The following NLK variants were observed in gnomAD, a reference collection of about 807,000 sequenced individuals.
The protein encoded by NLK is serine/threonine-protein kinase NLK.
In NLK, 11 loss-of-function variants were observed where a neutral mutation model predicts 59.0. The observed-to-expected ratio is 0.19, with a 90% CI of 0.12 to 0.31. The LOEUF is 0.31. Ranked by LOEUF, NLK falls within the 10% of genes least tolerant of loss-of-function variation. The pLI is 1.00. For synonymous variants in NLK, 235 were observed against 235.9 expected (o/e 1.00, Z 0.03); for missense variants, 410 against 661.1 (o/e 0.62, Z 4.16).
intron 3 of NLK, among the ~76,000 whole-genome samples, chr17:28,151,059 A>C (rs928266726): frequency 6.6e-6 from 1 of 152,152 alleles, no homozygotes; most frequent in African/African-American, 2.4e-5. Context: ...ACCCTCATTA[A>C]ATTTCTCAGA....
intron 6 of NLK, among the ~76,000 whole-genome samples, chr17:28,170,677 G>T (rs1908424706): frequency 6.6e-6 from 1 of 152,172 alleles, no homozygotes; most frequent in Non-Finnish European, 1.5e-5. Context: ...AAATGGATGT[G>T]ACTACTACCT....
intron 4 of NLK, among the ~76,000 whole-genome samples, chr17:28,162,404 G>A (rs919521884): frequency 1.3e-5 from 2 of 152,062 alleles, no homozygotes; most frequent in Admixed American, 1.3e-4. Context: ...ATGCTGAGGC[G>A]GGCAGATCAT....
At chr17:28,126,084 C>T (rs1906278856) in intron 2 of NLK, among the ~76,000 whole-genome samples, 1 of 152,196 alleles carries the variant, frequency 6.6e-6, no homozygotes, top group South Asian at 2.1e-4. Flanking sequence ...ACTACATTAG[C>T]TCCTGTTGTC....
At chr17:28,184,646 T>C (rs558835981) in intron 7 of NLK, among the ~76,000 whole-genome samples, 34 of 152,298 alleles carry the variant, frequency 2.2e-4, no homozygotes, top group African/African-American at 7.5e-4. Flanking sequence ...TGGGTAATCA[T>C]GCAATGTAAA....
At chr17:28,121,077 A>G (rs1906026831) in intron 1 of NLK, among the ~76,000 whole-genome samples, 1 of 152,094 alleles carries the variant, frequency 6.6e-6, no homozygotes, top group Admixed American at 6.5e-5. Flanking sequence ...ACATGGATCA[A>G]TTCTTTTTTC....
chr17:28,197,891 AGG>A (rs1391522587), downstream of NLK, among the ~76,000 whole-genome samples: 1 of 152,226 alleles, frequency 6.6e-6, no homozygotes, highest in African/African-American at 2.4e-5. Flanking sequence ...GCAGTTCTAA[AGG>A]GGACTGACTT....
intron 1 of NLK, 119 bp from the exon 2 acceptor site, chr17:28,122,484 G>C: frequency 1.0e-6 from 1 of 997,986 alleles, no homozygotes; most frequent in Non-Finnish European, 1.5e-6. Context: ...TCATTAAGTG[G>C]ACTTAATGTT....
At chr17:28,064,210 G>C (rs1909756333) in intron 1 of NLK, among the ~76,000 whole-genome samples, 1 of 123,742 alleles carries the variant, frequency 8.1e-6, no homozygotes, top group Non-Finnish European at 1.6e-5. Context: ...AAAGAGACAA[G>C]GTCTCACTGT....
At position 28,042,947 on chromosome 17, in the gene NLK, C is replaced by T. The variant is rs1210016443; in HGVS notation, c.74C>T (p.Ala25Val). The T allele has an allele frequency of 6.4e-7, 1 of 1,551,826 alleles. No individual in the cohort carries two copies. The highest frequency in any genetic ancestry group is 2.4e-5 in the East Asian group (1 of 41,290). ...AATGGCGGTACATCTGCAGCAGCAGCAGGTCACCACCACCACCATCACCAC... is the reference window on the plus strand; with the variant it reads ...AATGGCGGTACATCTGCAGCAGCAGTAGGTCACCACCACCACCATCACCAC... ...AYNGGTSAAAAGHHHHHHHHL... is the reference protein window; with the variant it reads ...AYNGGTSAAAVGHHHHHHHHL... Residue 25 changes from alanine to valine, a missense_variant, in exon 1 of 11, where the codon GCA becomes GTA. Physicochemically the swap from Ala to Val is moderately conservative, Grantham distance 64. This residue lies in a region of NLK where 160 missense variants were observed against 171.0 expected (regional missense o/e 0.94). Coordinates refer to ENST00000407008, the MANE Select transcript of NLK (RefSeq NM_016231.5).
intron 1 of NLK, among the ~76,000 whole-genome samples, chr17:28,068,709 T>G (rs1030784302): frequency 6.6e-6 from 1 of 152,232 alleles, no homozygotes; most frequent in Non-Finnish European, 1.5e-5. Flanking sequence ...AGACAAGATC[T>G]CTTTCTGTTG....
At chr17:28,068,528 TG>T (rs1909909102) in intron 1 of NLK, among the ~76,000 whole-genome samples, 1 of 152,156 alleles carries the variant, frequency 6.6e-6, no homozygotes, top group Non-Finnish European at 1.5e-5. Context: ...GATACCATTT[TG>T]GGGGGGAATT....
At chr17:28,103,940 TTC>T (rs1904987193) in intron 1 of NLK, among the ~76,000 whole-genome samples, 1 of 152,262 alleles carries the variant, frequency 6.6e-6, no homozygotes, top group Non-Finnish European at 1.5e-5. Context: ...CATTCCAGAA[TTC>T]TTTTTCAACT....
chr17:28,136,725 T>C (rs1906763298), intron 3 of NLK, among the ~76,000 whole-genome samples: 1 of 152,112 alleles, frequency 6.6e-6, no homozygotes, highest in Admixed American at 6.5e-5. Flanking sequence ...TGCCTCAGCC[T>C]CCCAAGTAGC....
At chr17:28,053,105 C>A (rs1909316632) in intron 1 of NLK, among the ~76,000 whole-genome samples, 1 of 151,994 alleles carries the variant, frequency 6.6e-6, no homozygotes, top group Non-Finnish European at 1.5e-5. Flanking sequence ...ATTACATACT[C>A]ATTTCTGAAC....
At position 28,178,336 on chromosome 17, in the gene NLK, C is replaced by G. The variant is rs564247582; in HGVS notation, c.1149+5718C>G. On this transcript the variant is annotated intron_variant, in intron 7 of 10. Coordinates refer to ENST00000407008, the MANE Select transcript of NLK (RefSeq NM_016231.5). ...TTGGGAGATTGCAATCAAGCCTAATCAAACCACTTGGTTTGGGAGTGAAAG... is the reference window on the plus strand; with the variant it reads ...TTGGGAGATTGCAATCAAGCCTAATGAAACCACTTGGTTTGGGAGTGAAAG... Among the ~76,000 whole-genome samples, 12 of 152,246 alleles carry G rather than the reference C, an allele frequency of 7.9e-5. No individual in the cohort carries two copies. The South Asian group carries it at 1.2e-3, about 16-fold the overall frequency.
intron 7 of NLK, among the ~76,000 whole-genome samples, chr17:28,180,269 C>A (rs1286621023): frequency 6.6e-6 from 1 of 152,120 alleles, no homozygotes; most frequent in African/African-American, 2.4e-5. Flanking sequence ...GCCTTAACAT[C>A]ACTCATTTTA....
intron 3 of NLK, among the ~76,000 whole-genome samples, chr17:28,150,775 G>T (rs945729061): frequency 6.6e-6 from 1 of 152,134 alleles, no homozygotes; most frequent in Admixed American, 6.5e-5. Context: ...TTATAGTAGG[G>T]CTGTTCAAAT....
intron 1 of NLK, among the ~76,000 whole-genome samples, chr17:28,045,711 G>A (rs2142729206): frequency 6.6e-6 from 1 of 152,256 alleles, no homozygotes; most frequent in South Asian, 2.1e-4. Flanking sequence ...ACTGTTGTAT[G>A]ACCTAAGTAA....
At chr17:28,170,309 TTTGA>T (rs1358398779) in intron 6 of NLK, among the ~76,000 whole-genome samples, 6 of 152,206 alleles carry the variant, frequency 3.9e-5, no homozygotes, top group Non-Finnish European at 7.3e-5. Flanking sequence ...AATACTAAGA[TTTGA>T]TTGATGACAT....
Sources: gnomAD v4.1 joint callset for allele counts (sites outside exome capture counted in the v4.1 genomes callset) on GRCh38, gnomAD v4.1.1 for gene constraint, gnomAD v4.1.1 regional missense constraint, MANE v1.5 for transcripts, NCBI Gene and HGNC (gene_info 2026-07-23, HGNC 2026-07-21) for gene names.